Variants in SKAP1 observed in about 807,000 individuals in gnomAD.
SKAP1 encodes the protein src kinase-associated phosphoprotein 1.
Under a neutral mutation model 58.5 loss-of-function variants are expected in SKAP1, and 44 were observed. The observed-to-expected ratio is 0.75, with a 90% confidence interval of 0.59 to 0.97. SKAP1 has a LOEUF of 0.97. Among genes scored for constraint, SKAP1 ranks in the 50% least tolerant of loss-of-function variants. The pLI, the probability that SKAP1 is intolerant of heterozygous loss-of-function variation, is 0.00. For synonymous variants in SKAP1, 127 were observed against 149.7 expected, an observed-to-expected ratio of 0.85 and a Z score of 1.11; for missense variants, 390 against 435.2, an observed-to-expected ratio of 0.90 and a Z score of 0.92.
rs116941177 is a variant in SKAP1, at chr17:48,421,877, T to C, written c.46+8198A>G. ...TCCATAAAGTTTCTCATCAAAATGA[T>C]CACTAGACTCTGAAGGAAAGAAATG... On this transcript the variant is annotated intron_variant, in intron 1 of 12. Transcript: ENST00000336915. Among the ~76,000 whole-genome samples, 89 of 152,238 alleles carry C rather than the reference T, an allele frequency of 5.8e-4. 1 individual carries two copies. The East Asian group carries it at 0.015, about 26-fold the overall frequency.
At chr17:48,218,927 A>G (rs1359359018) in intron 4 of SKAP1, among the ~76,000 whole-genome samples, 1 of 152,174 alleles carries the variant, frequency 6.6e-6, no homozygotes, top group Non-Finnish European at 1.5e-5. Context: ...AAATCAGAAC[A>G]TGAAGAGTAG....
At chr17:48,200,700 G>A (rs1001408981) in intron 4 of SKAP1, among the ~76,000 whole-genome samples, 4 of 152,120 alleles carry the variant, frequency 2.6e-5, no homozygotes, top group African/African-American at 9.7e-5. Context: ...TTAATTAGTT[G>A]TTGAACTGAT....
intron 4 of SKAP1, among the ~76,000 whole-genome samples, chr17:48,195,474 A>C (rs2064613789): frequency 6.6e-6 from 1 of 152,248 alleles, no homozygotes; most frequent in Non-Finnish European, 1.5e-5. Context: ...ATTTAGCTTA[A>C]CATATGAAAG....
At chr17:48,368,488 T>C (rs1433214086) in intron 2 of SKAP1, among the ~76,000 whole-genome samples, 2 of 151,726 alleles carry the variant, frequency 1.3e-5, no homozygotes, top group Non-Finnish European at 2.9e-5. Context: ...ACATACAGAG[T>C]TGTGTTTATC....
At chr17:48,431,459 G>GC (rs2067915140), upstream of SKAP1, among the ~76,000 whole-genome samples, 2 of 152,258 alleles carry the variant, frequency 1.3e-5, no homozygotes, top group Admixed American at 1.3e-4. Context: ...AAGAAAGATG[G>GC]AAGAGCCCTC....
chr17:48,194,134 CG>C (rs750051056), intron 4 of SKAP1, among the ~76,000 whole-genome samples: 38 of 151,952 alleles, frequency 2.5e-4, no homozygotes, highest in Non-Finnish European at 4.6e-4. Context: ...CAGAACAGCC[CG>C]TATAAAGAAA....
chr17:48,319,369 G>C (rs1376486574), intron 4 of SKAP1, among the ~76,000 whole-genome samples: 1 of 152,202 alleles, frequency 6.6e-6, no homozygotes, highest in East Asian at 1.9e-4. Flanking sequence ...GGGCAACACA[G>C]AGAACCCTGT....
chr17:48,176,690 G>A (rs569503983), intron 9 of SKAP1, among the ~76,000 whole-genome samples: 7 of 152,150 alleles, frequency 4.6e-5, no homozygotes, highest in Non-Finnish European at 1.0e-4. Context: ...GAGGGCTCTG[G>A]TTTTCCCTCA....
chr17:48,207,507 A>G (rs986879629), intron 4 of SKAP1, among the ~76,000 whole-genome samples: 2 of 151,888 alleles, frequency 1.3e-5, no homozygotes, highest in South Asian at 2.1e-4. Flanking sequence ...AAAAAAGAAA[A>G]AAAATTTACA....
At chr17:48,349,285 C>T (rs2066765335) in intron 3 of SKAP1, among the ~76,000 whole-genome samples, 1 of 152,178 alleles carries the variant, frequency 6.6e-6, no homozygotes, top group Non-Finnish European at 1.5e-5. Flanking sequence ...ATGGCCACAA[C>T]TGTAGTCCAG....
At chr17:48,442,143 T>C in the SKAP1 span, among the ~76,000 whole-genome samples, 1 of 152,136 alleles carries the variant, frequency 6.6e-6, no homozygotes, top group Non-Finnish European at 1.5e-5. Flanking sequence ...CTCATGTCGG[T>C]CCAAGTTGTT....
intron 2 of SKAP1, among the ~76,000 whole-genome samples, chr17:48,368,719 G>C (rs2067043125): frequency 6.6e-6 from 1 of 152,142 alleles, no homozygotes; most frequent in South Asian, 2.1e-4. Context: ...TATTGATGAT[G>C]ATCATTTTTA....
chr17:48,388,736 A>G (rs2067309152), intron 2 of SKAP1, among the ~76,000 whole-genome samples: 1 of 152,168 alleles, frequency 6.6e-6, no homozygotes, highest in Non-Finnish European at 1.5e-5. Context: ...ATGCCACTTC[A>G]TTTTTTTGAT....
At chr17:48,321,977 T>C (rs2066374054) in intron 4 of SKAP1, among the ~76,000 whole-genome samples, 1 of 152,244 alleles carries the variant, frequency 6.6e-6, no homozygotes, top group Admixed American at 6.5e-5. Context: ...GTGCAGCCTA[T>C]GGTCTAGCCA....
intron 1 of SKAP1, among the ~76,000 whole-genome samples, chr17:48,424,040 CA>C (rs779960795): frequency 2.0e-5 from 3 of 152,032 alleles, no homozygotes; most frequent in Non-Finnish European, 2.9e-5. Context: ...GCTGCTATAA[CA>C]AAATACTACA....
intron 11 of SKAP1, among the ~76,000 whole-genome samples, chr17:48,146,513 G>A (rs534479918): frequency 4.6e-4 from 70 of 151,574 alleles, no homozygotes; most frequent in Non-Finnish European, 7.8e-4. Context: ...AAACAATGAA[G>A]GGGAATCAAG....
At chr17:48,397,920 A>G (rs1346523357) in intron 1 of SKAP1, among the ~76,000 whole-genome samples, 1 of 152,218 alleles carries the variant, frequency 6.6e-6, no homozygotes, top group Non-Finnish European at 1.5e-5. Flanking sequence ...GATAATGATT[A>G]CAACTGCCAG....
chr17:48,153,912 GA>G (rs1245949883), intron 11 of SKAP1, among the ~76,000 whole-genome samples: 9 of 128,418 alleles, frequency 7.0e-5, no homozygotes, highest in Non-Finnish European at 1.0e-4. Flanking sequence ...AAAAAAAAAA[GA>G]AAAAAAAATC....
chr17:48,223,639 A>G (rs549923877), intron 4 of SKAP1, among the ~76,000 whole-genome samples: 2 of 152,366 alleles, frequency 1.3e-5, no homozygotes, highest in African/African-American at 4.8e-5. Context: ...GCAAATTTCC[A>G]TCAATCAAGT....
Sources: gnomAD v4.1 joint callset for allele counts (sites outside exome capture counted in the v4.1 genomes callset) on GRCh38, gnomAD v4.1.1 for gene constraint, MANE v1.5 for transcripts, NCBI Gene and HGNC (gene_info 2026-07-23, HGNC 2026-07-21) for gene names.